Variants in TMEM272 observed in about 807,000 individuals in gnomAD.
The protein encoded by TMEM272 is long intergenic non-protein coding RNA 282.
TMEM272 carries 8 observed loss-of-function variants against 3.7 expected under a neutral mutation model. The ratio of observed to expected loss-of-function variants is 2.17; its 90% confidence interval spans 1.27 to 3.91. The LOEUF (loss-of-function observed/expected upper bound fraction) is 3.91. TMEM272 is among the 30% of genes most tolerant of loss of function. TMEM272 has a pLI of 0.00. For synonymous variants in TMEM272, 63 were observed against 39.8 expected (o/e 1.58, Z -2.20); for missense variants, 166 against 91.5 (o/e 1.81, Z -3.32).
chr13:51,821,710 C>A (rs1956081441), intron 4 of TMEM272, among the ~76,000 whole-genome samples: 1 of 123,924 alleles, frequency 8.1e-6, no homozygotes, highest in African/African-American at 3.0e-5. Flanking sequence ...AAAGCAGCAG[C>A]AGCAGCAGCG....
chr13:51,836,363 T>C (rs758575152), intron 2 of TMEM272, among the ~76,000 whole-genome samples: 3 of 152,154 alleles, frequency 2.0e-5, no homozygotes, highest in Non-Finnish European at 2.9e-5. Flanking sequence ...TATTCTGTTA[T>C]AGCAGCACAA....
At chr13:51,894,234 A>G in the TMEM272 span, among the ~76,000 whole-genome samples, 1 of 152,236 alleles carries the variant, frequency 6.6e-6, no homozygotes, top group East Asian at 1.9e-4. Flanking sequence ...TGCAGGCACA[A>G]CTGGATTCAG....
the TMEM272 span, among the ~76,000 whole-genome samples, chr13:51,888,144 C>T: frequency 8.6e-5 from 13 of 151,636 alleles, no homozygotes; most frequent in African/African-American, 3.2e-4. Context: ...CTCCCAGGTT[C>T]AAGCAATTCT....
the TMEM272 span, among the ~76,000 whole-genome samples, chr13:51,917,048 C>T: frequency 6.6e-6 from 1 of 152,178 alleles, no homozygotes; most frequent in Non-Finnish European, 1.5e-5. Flanking sequence ...TGGGCTTAAG[C>T]CCTAGCTGCC....
the TMEM272 span, among the ~76,000 whole-genome samples, chr13:51,859,505 AACACACACACACACACACACAC>A: frequency 7.0e-4 from 91 of 129,946 alleles, no homozygotes; most frequent in Non-Finnish European, 1.1e-3. Context: ...CTCCCAACCA[AACACACACACACACACACACAC>A]ACACACACAC....
At position 51,816,816 on chromosome 13, in the gene TMEM272, G is replaced by C. The variant is rs1372032758; in HGVS notation, c.499C>G (p.Leu167Val). The part of the protein sequence containing the change: ...LALSHTVLVL[L>V]LLCSGCVYLC... ...TAGACACAGCCGCTGCACAGCAGGA[G>C]CAAGACCAGCACAGTGTGACTGAGC... Residue 167 changes from leucine (L) to valine (V), a missense_variant, in exon 5 of 5, where the codon CTC becomes GTC. Physicochemically the swap from Leu to Val is conservative, Grantham distance 32 (BLOSUM62 1). Coordinates refer to ENST00000629372, the MANE Select transcript of TMEM272 (RefSeq NM_001351003.2). 8.5e-6 allele frequency: 6 copies of C among 702,948 alleles called. No homozygotes were observed. Among genetic ancestry groups the C allele is most frequent in the East Asian group, 5.4e-5 (2 of 37,298 alleles). The allele number at this position is 702,948 out of a possible 1,614,324, so 43.5% of individuals were successfully genotyped here. A position where few individuals can be genotyped will look rare whatever the true frequency, so the allele number is the denominator to read the frequency against.
the TMEM272 span, chr13:51,865,444 G>T: frequency 1.2e-6 from 2 of 1,614,060 alleles, no homozygotes; most frequent in Non-Finnish European, 1.7e-6. Context: ...GATGGATGGG[G>T]CTTGCCTGCT....
intron 2 of TMEM272, among the ~76,000 whole-genome samples, chr13:51,827,238 A>T (rs1024461548): frequency 1.3e-5 from 2 of 152,146 alleles, no homozygotes; most frequent in African/African-American, 2.4e-5. Flanking sequence ...TCCAACTTTT[A>T]GACATTGGGA....
the TMEM272 span, among the ~76,000 whole-genome samples, chr13:51,890,113 G>A: frequency 6.6e-6 from 1 of 152,178 alleles, no homozygotes; most frequent in African/African-American, 2.4e-5. Flanking sequence ...CAAATGCAAG[G>A]ATGCAGTCCT....
intron 2 of TMEM272, among the ~76,000 whole-genome samples, chr13:51,829,292 A>C (rs1251239511): frequency 6.6e-6 from 1 of 152,228 alleles, no homozygotes; most frequent in East Asian, 1.9e-4. Context: ...CTTAAAAATG[A>C]TATTAAACAG....
chr13:51,900,837 A>G, the TMEM272 span, among the ~76,000 whole-genome samples: 1 of 152,244 alleles, frequency 6.6e-6, no homozygotes, highest in Non-Finnish European at 1.5e-5. Flanking sequence ...CTTTTAAATC[A>G]TTATGCTAAG....
At chr13:51,896,098 ACCCCAGGG>A in the TMEM272 span, among the ~76,000 whole-genome samples, 12 of 152,044 alleles carry the variant, frequency 7.9e-5, no homozygotes, top group African/African-American at 2.9e-4. Context: ...TGTTCAGCAA[ACCCCAGGG>A]CCCCAGTCTC....
chr13:51,821,921 T>A (rs1956082903), intron 4 of TMEM272, 134 bp downstream of exon 4: 1 of 677,212 alleles, frequency 1.5e-6, no homozygotes, highest in Non-Finnish European at 2.7e-6. Flanking sequence ...GCTAGCCCCA[T>A]CACTTCAGCA....
the TMEM272 span, among the ~76,000 whole-genome samples, chr13:51,884,823 C>T: frequency 3.9e-5 from 6 of 152,336 alleles, no homozygotes; most frequent in African/African-American, 1.4e-4. Flanking sequence ...ATGTAAAGCA[C>T]TTAGGACATC....
chr13:51,890,214 C>T, the TMEM272 span, among the ~76,000 whole-genome samples: 7 of 152,080 alleles, frequency 4.6e-5, no homozygotes, highest in East Asian at 1.3e-3. Context: ...GAGGTTTATC[C>T]CCCAAAAGCT....
At chr13:51,894,094 T>C in the TMEM272 span, among the ~76,000 whole-genome samples, 1 of 152,220 alleles carries the variant, frequency 6.6e-6, no homozygotes, top group Admixed American at 6.5e-5. Flanking sequence ...ATTGAAGAAC[T>C]GCTTGGGGAA....
At chr13:51,818,268 C>T (rs1004955967) in intron 4 of TMEM272, among the ~76,000 whole-genome samples, 7 of 152,100 alleles carry the variant, frequency 4.6e-5, no homozygotes, top group Admixed American at 3.9e-4. Flanking sequence ...TAACTGGGCT[C>T]CAAACTGTAA....
At chr13:51,903,519 C>T in the TMEM272 span, among the ~76,000 whole-genome samples, 1 of 152,110 alleles carries the variant, frequency 6.6e-6, no homozygotes, top group East Asian at 1.9e-4. Context: ...CTCCACTGTA[C>T]AAGGAAAGCC....
chr13:51,892,690 C>T, the TMEM272 span, among the ~76,000 whole-genome samples: 2 of 152,134 alleles, frequency 1.3e-5, no homozygotes, highest in Non-Finnish European at 2.9e-5. Flanking sequence ...TTTCCCATTC[C>T]CCATGATGGC....
Sources: allele counts gnomAD v4.1 joint callset (sites outside exome capture counted in the v4.1 genomes callset), GRCh38; gene constraint gnomAD v4.1.1; transcripts MANE v1.5; gene names NCBI Gene and HGNC (gene_info 2026-07-23, HGNC 2026-07-21).